Variants in GTF2IRD1 observed in about 807,000 individuals in gnomAD.
GTF2IRD1 encodes general transcription factor II-I repeat domain-containing protein 1.
GTF2IRD1 carries 26 observed loss-of-function variants against 113.2 expected under a neutral mutation model. The ratio of observed to expected loss-of-function variants is 0.23; its 90% CI spans 0.17 to 0.32. The LOEUF (loss-of-function observed/expected upper bound fraction) is 0.32. Among genes scored for constraint, GTF2IRD1 ranks in the 10% least tolerant of loss-of-function variants. GTF2IRD1 has a pLI of 1.00. For missense variants in GTF2IRD1, 864 were observed against 1,280.8 expected (o/e 0.67, Z 4.97); for synonymous variants, 484 against 529.1 (o/e 0.91, Z 1.17).
chr7:74,545,809 G>A lies in GTF2IRD1; in HGVS notation c.1732G>A (p.Ala578Thr). 2 of 1,610,838 alleles carry A rather than the reference G, an allele frequency of 1.2e-6. No individual in the cohort carries two copies. The highest frequency in any genetic ancestry group is 1.7e-6 in the Non-Finnish European group (2 of 1,177,156). ...QVELLFNTRY[A>T]KAIGISEPVK... ...GGAGCTGCTCTTCAACACACGATACGGTGAGCAAGAAGTGGGACAGGGTCT... is the reference window on the plus strand; with the variant it reads ...GGAGCTGCTCTTCAACACACGATACAGTGAGCAAGAAGTGGGACAGGGTCT... The change falls in exon 16 of 27, where the codon GCC becomes ACC. Residue 578 changes from alanine (A) to threonine (T), a missense_variant and splice_region_variant. Coordinates refer to ENST00000424337, the MANE Select transcript of GTF2IRD1 (RefSeq NM_005685.4).
At chr7:74,493,691 A>T (rs1795492830) in intron 1 of GTF2IRD1, among the ~76,000 whole-genome samples, 1 of 151,980 alleles carries the variant, frequency 6.6e-6, no homozygotes, top group South Asian at 2.1e-4. Flanking sequence ...ATCCCAGCTG[A>T]CCCACCTCGG....
rs60404867 is a variant in GTF2IRD1, at chr7:74,456,681, T to TA, written c.-7+2518dup. Among the ~76,000 whole-genome samples the TA allele has an allele frequency of 0.032, 4,522 of 140,598 alleles. 331 individuals carry two copies. The East Asian group carries it at 0.35, about 11-fold the overall frequency. 92.2% of individuals were successfully genotyped at this position (140,598 alleles called of 152,430 possible). A position where few individuals can be genotyped will look rare whatever the true frequency, so the allele number is the denominator to read the frequency against. On this transcript the variant is annotated intron_variant, in intron 1 of 26. Coordinates refer to ENST00000424337, the MANE Select transcript of GTF2IRD1 (RefSeq NM_005685.4). ...CTGGGCAACAGAGCAAGACTCCATC[T>TA]AAAAAAAAAAAAAGAAAAAATTCTG... is the stretch of plus-strand genomic sequence containing the variant.
chr7:74,467,595 G>A (rs546575154), intron 1 of GTF2IRD1, among the ~76,000 whole-genome samples: 540 of 152,276 alleles, frequency 3.5e-3, no homozygotes, highest in Non-Finnish European at 5.9e-3. Context: ...CCACCTCCCA[G>A]GTTCAAGCGA....
chr7:74,573,787 C>G (rs1160022345), intron 22 of GTF2IRD1, among the ~76,000 whole-genome samples: 1 of 152,130 alleles, frequency 6.6e-6, no homozygotes, highest in Admixed American at 6.6e-5. Flanking sequence ...GCCATGCAGG[C>G]CTAGCCCTCT....
Position 74,561,556 on chromosome 7 carries a change from G to C in GTF2IRD1, c.2320+1901G>C, listed in dbSNP as rs1799969111. Among the ~76,000 whole-genome samples, 2 of 151,634 alleles carry C rather than the reference G, an allele frequency of 1.3e-5. 1 individual carries two copies. Among genetic ancestry groups the C allele is most frequent in the South Asian group, 4.2e-4 (2 of 4,798 alleles). On this transcript the variant is annotated intron_variant, in intron 22 of 26. Transcript: ENST00000424337. ...TTGGCGGGGTGAACGGCAGGGGTTG[G>C]GGGGTCACTGGATGCCAGAAGTGTG...
chr7:74,531,866 A>G (rs782382440), intron 9 of GTF2IRD1, among the ~76,000 whole-genome samples: 94 of 151,684 alleles, frequency 6.2e-4, no homozygotes, highest in Non-Finnish European at 1.1e-3. Flanking sequence ...TCTGCCCCCC[A>G]CCTCTGCCCC....
chr7:74,492,193 C>G (rs1432364237), intron 1 of GTF2IRD1, among the ~76,000 whole-genome samples: 2 of 145,838 alleles, frequency 1.4e-5, no homozygotes, highest in African/African-American at 2.6e-5. Flanking sequence ...TTTTTTGAGA[C>G]AGAGTCTCAC....
At chr7:74,567,695 C>CG (rs1336419547) in intron 22 of GTF2IRD1, among the ~76,000 whole-genome samples, 5 of 152,004 alleles carry the variant, frequency 3.3e-5, no homozygotes, top group East Asian at 1.9e-4. Context: ...TGCCACACAT[C>CG]GGGGGGGTCA....
At chr7:74,520,766 T>C (rs1584587367) in intron 6 of GTF2IRD1, among the ~76,000 whole-genome samples, 1 of 90,614 alleles carries the variant, frequency 1.1e-5, no homozygotes, top group Non-Finnish European at 2.0e-5. Flanking sequence ...ATCCTATCTC[T>C]ACCAAAAAAA....
At chr7:74,486,218 A>C (rs182008920) in intron 1 of GTF2IRD1, among the ~76,000 whole-genome samples, 1 of 152,096 alleles carries the variant, frequency 6.6e-6, no homozygotes, top group African/African-American at 2.4e-5. Flanking sequence ...TGATCCGCCC[A>C]CACCGCCGTG....
intron 1 of GTF2IRD1, among the ~76,000 whole-genome samples, chr7:74,478,681 C>T (rs1309941383): frequency 6.6e-6 from 1 of 151,910 alleles, no homozygotes; most frequent in African/African-American, 2.4e-5. Context: ...GTCTCAAACT[C>T]CTGGCCTCAA....
intron 14 of GTF2IRD1, 128 bp downstream of exon 14, chr7:74,540,096 T>C (rs1562850944): frequency 1.6e-6 from 1 of 640,046 alleles, no homozygotes; most frequent in South Asian, 1.8e-5. Context: ...AAACCCAATA[T>C]ATGCCTGACC....
intron 1 of GTF2IRD1, among the ~76,000 whole-genome samples, chr7:74,470,789 C>G (rs1794035189): frequency 6.6e-6 from 1 of 151,986 alleles, no homozygotes; most frequent in Non-Finnish European, 1.5e-5. Flanking sequence ...CGCTTCCAAC[C>G]TAGTTCTGTT....
chr7:74,598,201 C>T (rs1434285590), intron 25 of GTF2IRD1, among the ~76,000 whole-genome samples: 8 of 147,846 alleles, frequency 5.4e-5, no homozygotes, highest in African/African-American at 1.6e-4. Context: ...CCAGCCTGGG[C>T]GACAGAGTGA....
chr7:74,508,404 C>T (rs548333891), intron 2 of GTF2IRD1, among the ~76,000 whole-genome samples: 1 of 152,160 alleles, frequency 6.6e-6, no homozygotes, highest in Non-Finnish European at 1.5e-5. Flanking sequence ...AAAAATCTAG[C>T]CCTGGGGCCG....
intron 8 of GTF2IRD1, among the ~76,000 whole-genome samples, chr7:74,527,762 A>G (rs1797691392): frequency 6.6e-6 from 1 of 151,934 alleles, no homozygotes; most frequent in Non-Finnish European, 1.5e-5. Flanking sequence ...GAATTGCTTG[A>G]ACCCAGTCAG....
At chr7:74,511,722 G>A (rs1313468356) in intron 2 of GTF2IRD1, among the ~76,000 whole-genome samples, 1 of 152,114 alleles carries the variant, frequency 6.6e-6, no homozygotes, top group Non-Finnish European at 1.5e-5. Flanking sequence ...ACTGCGTTTG[G>A]AAGCCAGACT....
intron 22 of GTF2IRD1, among the ~76,000 whole-genome samples, chr7:74,577,296 C>A (rs1231860487): frequency 6.6e-6 from 1 of 152,322 alleles, no homozygotes; most frequent in East Asian, 1.9e-4. Flanking sequence ...GCCTCAGCCT[C>A]CCAAAGTGGT....
intron 25 of GTF2IRD1, 192 bp from the exon 26 acceptor site, chr7:74,600,852 G>A (rs782214814): frequency 1.6e-6 from 1 of 619,396 alleles, no homozygotes; most frequent in Non-Finnish European, 2.8e-6. Flanking sequence ...TGGGCCCTCG[G>A]GCTTGCTTTG....
Sources: gnomAD v4.1 joint callset for allele counts (sites outside exome capture counted in the v4.1 genomes callset) on GRCh38, gnomAD v4.1.1 for gene constraint, MANE v1.5 for transcripts, NCBI Gene and HGNC (gene_info 2026-07-23, HGNC 2026-07-21) for gene names.